The following NLRP6 variants were observed in gnomAD, a reference collection of about 807,000 sequenced individuals.
NLRP6 encodes the protein NACHT, LRR and PYD domains-containing protein 6.
A neutral mutation model predicts 70.9 loss-of-function variants in NLRP6; 55 were observed. The ratio of observed to expected loss-of-function variants is 0.78; its 90% confidence interval spans 0.62 to 0.97. NLRP6 has a LOEUF of 0.97. Ranked by LOEUF, NLRP6 falls within the 50% of genes least tolerant of loss-of-function variation. The pLI, the probability that NLRP6 is intolerant of heterozygous loss-of-function variation, is 0.00. For missense variants in NLRP6, 1,241 were observed against 1,238.3 expected, an observed-to-expected ratio of 1.00 and a Z score of -0.03; for synonymous variants, 652 against 581.9, an observed-to-expected ratio of 1.12 and a Z score of -1.73.
rs1845543014 is a variant in NLRP6, at chr11:285,293, T to A, written c.2665T>A (p.Ser889Thr). The change falls in exon 8 of 8, where the codon TCG (serine) becomes ACG (threonine). Residue 889 changes from serine to threonine, a missense_variant. By Grantham distance (58) the Ser-to-Thr change is moderately conservative (BLOSUM62 1). Transcript: ENST00000534750. ...CCCACAACCTCCCAAGGAACTCATC[T>A]CGACCTTCTGAGGCTCTGGTGGCCA... ...GHPQPPKELI[S>T]TF 1 of 1,609,038 alleles carries A rather than the reference T, an allele frequency of 6.2e-7. No homozygotes were observed. Among genetic ancestry groups the A allele is most frequent in the Admixed American group, 1.7e-5 (1 of 59,592 alleles).
At position 279,489 on chromosome 11, in the gene NLRP6, C is replaced by A; in HGVS notation, c.192C>A (p.Leu64=). 1 of 1,444,426 alleles carries A rather than the reference C, an allele frequency of 6.9e-7. No homozygotes were observed. The highest frequency in any genetic ancestry group is 1.5e-5 in the African/African-American group (1 of 67,230). The allele number at this position is 1,444,426 out of a possible 1,614,324, so 89.5% of individuals were successfully genotyped here. The change falls in exon 2 of 8, where the codon CTC becomes CTA. Residue 64 remains leucine (L), a synonymous_variant. Transcript: ENST00000534750. Reference sequence around the variant, plus strand: ...TGGAGCGCGCGGACGCCGTGGACCTCGCGGAGCAGCTGGCCCAGTTCTACG... The same window carrying A: ...TGGAGCGCGCGGACGCCGTGGACCTAGCGGAGCAGCTGGCCCAGTTCTACG... ...GRLERADAVD[L]AEQLAQFYGP...
chr11:284,091 C>A (rs146447289), intron 5 of NLRP6, 139 bp from the exon 6 acceptor site: 16 of 720,946 alleles, frequency 2.2e-5, no homozygotes, highest in African/African-American at 5.2e-5. Context: ...GCAGGCTCTG[C>A]GAGGTCCAGG....
In NLRP6 at chr11:278,532, C is replaced by A; in HGVS notation, c.-38C>A. 1 of 1,498,604 alleles carries A rather than the reference C, an allele frequency of 6.7e-7. No homozygotes were observed. The highest frequency in any genetic ancestry group is 8.9e-7 in the Non-Finnish European group (1 of 1,124,586). The allele number at this position is 1,498,604 out of a possible 1,614,324, so 92.8% of individuals were successfully genotyped here. A position where few individuals can be genotyped will look rare whatever the true frequency, so the allele number is the denominator to read the frequency against. On this transcript the variant is annotated 5_prime_UTR_variant, in exon 1 of 8. In the 5' UTR this introduces an upstream ATG that the reference lacks. Coordinates refer to ENST00000534750, the MANE Select transcript of NLRP6 (RefSeq NM_001276700.2). The surrounding 1 kb of genome is among the most constrained non-coding windows in gnomAD (Gnocchi z 4.7). Reference sequence around the variant, plus strand: ...GGAATCACCTCTCTGATCCCCACCTCTGCCCCGGAGTGCTAGACCCAGGGA... The same window carrying A: ...GGAATCACCTCTCTGATCCCCACCTATGCCCCGGAGTGCTAGACCCAGGGA...
In NLRP6 at chr11:280,816, A is replaced by T. The variant is rs7482965; in HGVS notation, c.1082A>T (p.Tyr361Phe). 0.85 allele frequency: 1,371,631 copies of T among 1,612,430 alleles called. 595,082 individuals carry two copies. The highest frequency in any genetic ancestry group is 0.89 in the Non-Finnish European group (1,053,027 of 1,179,730). The change falls in exon 4 of 8, where the codon TAT becomes TTT. Residue 361 changes from tyrosine (Y) to phenylalanine (F), a missense_variant. By Grantham distance (22) the Tyr-to-Phe change is conservative. Transcript: ENST00000534750. ...GACAAGAAGAAGTATTTCTACAAGT[A>T]TTTCCGGGATGAGAGGAGGGCCGAG... Reference protein sequence around the residue: ...DKDKKKYFYKYFRDERRAERA... With the variant: ...DKDKKKYFYKFFRDERRAERA...
At position 278,478 on chromosome 11, in the gene NLRP6, T is replaced by A. The variant is rs1845420303; in HGVS notation, c.-92T>A. ...GGAATGGACCGGGCTGGACAACCTC[T>A]AAGACTTGGCTCCAGCTCAGCCTGT... On this transcript the variant is annotated 5_prime_UTR_variant, in exon 1 of 8. Coordinates refer to ENST00000534750, the MANE Select transcript of NLRP6 (RefSeq NM_001276700.2). This position sits in a 1 kb window ranked among gnomAD's most constrained non-coding sequence, Gnocchi z 4.7. The A allele has an allele frequency of 7.0e-6, 8 of 1,144,490 alleles. No individual in the cohort carries two copies. The South Asian group carries it at 1.4e-4, about 20-fold the overall frequency. 70.9% of individuals were successfully genotyped at this position (1,144,490 alleles called of 1,614,324 possible).
At position 279,975 on chromosome 11, in the gene NLRP6, G is replaced by A. The variant is rs199475800; in HGVS notation, c.349+103G>A. 520 of 1,414,306 alleles carry A rather than the reference G, an allele frequency of 3.7e-4. 5 individuals carry two copies. In the African/African-American group the frequency reaches 6.5e-3, roughly 18 times the overall value. The allele number at this position is 1,414,306 out of a possible 1,614,324, so 87.6% of individuals were successfully genotyped here. On this transcript the variant is annotated intron_variant, in intron 3 of 7. Coordinates refer to ENST00000534750, the MANE Select transcript of NLRP6 (RefSeq NM_001276700.2). ...CGCCAGGGGCGTGGGCTGTGGTCCC[G>A]TAGAGGAAACTGAGGCCTGAGCAGG...
In NLRP6 at chr11:281,461, T is replaced by C; in HGVS notation, c.1727T>C (p.Leu576Pro). ...TCAGAGCGTGTGAAGCAGGAGGCCC[T>C]GCGGTGGGTGCAGGGACAGGGACAG... ...MVSERVKQEA[L>P]RWVQGQGQGC... The change falls in exon 4 of 8, where the codon CTG becomes CCG. Residue 576 changes from leucine to proline, a missense_variant. By Grantham distance (98) the Leu-to-Pro change is moderately conservative. Coordinates refer to ENST00000534750, the MANE Select transcript of NLRP6 (RefSeq NM_001276700.2). 2 of 1,598,150 alleles carry C rather than the reference T, an allele frequency of 1.3e-6. No individual in the cohort carries two copies. The highest frequency in any genetic ancestry group is 1.7e-6 in the Non-Finnish European group (2 of 1,170,944).
At position 278,643 on chromosome 11, in the gene NLRP6, A is replaced by T. The variant is rs1218540829; in HGVS notation, c.29+45A>T. On this transcript the variant is annotated intron_variant, in intron 1 of 7. Coordinates refer to ENST00000534750, the MANE Select transcript of NLRP6 (RefSeq NM_001276700.2). This position sits in a 1 kb window ranked among gnomAD's most constrained non-coding sequence, Gnocchi z 4.7. ...TGGTCACTGGGAACCGGCTGGTCTC[A>T]GCCCTCTGGGGCCTCCACCTCACCC... 3.3e-6 allele frequency: 5 copies of T among 1,532,150 alleles called. No homozygotes were observed. The highest frequency in any genetic ancestry group is 4.4e-6 in the Non-Finnish European group (5 of 1,133,524). 94.9% of individuals were successfully genotyped at this position (1,532,150 alleles called of 1,614,324 possible). A position where few individuals can be genotyped will look rare whatever the true frequency, so the allele number is the denominator to read the frequency against.
Position 278,592 on chromosome 11 carries a change from G to A in NLRP6, c.23G>A (p.Cys8Tyr), listed in dbSNP as rs1397052497. The change falls in exon 1 of 8, where the codon TGC (cysteine) becomes TAC (tyrosine). Residue 8 changes from cysteine (C) to tyrosine (Y), a missense_variant. By Grantham distance (194) the Cys-to-Tyr change is radical. Coordinates refer to ENST00000534750, the MANE Select transcript of NLRP6 (RefSeq NM_001276700.2). The surrounding 1 kb of genome is among the most constrained non-coding windows in gnomAD (Gnocchi z 4.7). MDQPEAPCSSTGPRLAVA... is the reference protein window; with the variant it reads MDQPEAPYSSTGPRLAVA... ...CCCATGGACCAGCCAGAGGCCCCCTGCTCCAGGTGAGTGCTGGCCCCAGGG... is the reference window on the plus strand; with the variant it reads ...CCCATGGACCAGCCAGAGGCCCCCTACTCCAGGTGAGTGCTGGCCCCAGGG... The A allele has an allele frequency of 6.3e-7, 1 of 1,590,374 alleles. No individual in the cohort carries two copies. Among genetic ancestry groups the A allele is most frequent in the Non-Finnish European group, 8.6e-7 (1 of 1,169,330 alleles).
chr11:283,888 A>G (rs1845514844), intron 5 of NLRP6, among the ~76,000 whole-genome samples: 2 of 151,984 alleles, frequency 1.3e-5, no homozygotes, highest in South Asian at 2.1e-4. Context: ...AAAAAAAAAA[A>G]AGGAGAAACA....
In NLRP6 at chr11:281,559, G is replaced by C; in HGVS notation, c.1825G>C (p.Glu609Gln). The change falls in exon 4 of 8, where the codon GAG (glutamate) becomes CAG (glutamine). Residue 609 changes from glutamate to glutamine, a missense_variant. Glu to Gln is a conservative substitution (Grantham distance 29, BLOSUM62 2). Transcript: ENST00000534750. ...CGAGGACACCGAAGAGCCAGAGGAG[G>C]AGGAGGAGGGAGAGGAGCCCAACTA... ...GLEDTEEPEE[E>Q]EEGEEPNYPL... 6.2e-7 allele frequency: 1 copy of C among 1,611,500 alleles called. No individual in the cohort carries two copies. Among genetic ancestry groups the C allele is most frequent in the South Asian group, 1.1e-5 (1 of 90,796 alleles).
Position 284,377 on chromosome 11 carries a change from G to T in NLRP6, c.2346G>T (p.Pro782=), listed in dbSNP as rs148157663. The change falls in exon 6 of 8, where the codon CCG becomes CCT. Residue 782 remains proline, a synonymous_variant. Transcript: ENST00000534750. ...LRMLSEGLAW[P]QCRVQTVRVQ... ...TGCTGAGTGAGGGCCTAGCCTGGCC[G>T]CAGTGCAGGGTGCAGACGGTCAGGT... 2.0e-5 allele frequency: 32 copies of T among 1,601,586 alleles called. No homozygotes were observed. The highest frequency in any genetic ancestry group is 2.7e-5 in the Non-Finnish European group (32 of 1,172,616).
intron 4 of NLRP6, 116 bp downstream of exon 4, chr11:281,955 C>T: frequency 1.1e-6 from 1 of 911,010 alleles, no homozygotes; most frequent in South Asian, 1.7e-5. Flanking sequence ...ACCCTGGCTC[C>T]CCAGATGGGG....
Position 284,280 on chromosome 11 carries a change from C to A in NLRP6, c.2249C>A (p.Ala750Asp), listed in dbSNP as rs527528438. ...GCGGTCTGCCGAGACCTTTCTGAGGCCCTGAGGGCAGCCCCCGCACTGACG... is the reference window on the plus strand; with the variant it reads ...GCGGTCTGCCGAGACCTTTCTGAGGACCTGAGGGCAGCCCCCGCACTGACG... ...PDAVCRDLSE[A>D]LRAAPALTEL... The change falls in exon 6 of 8, where the codon GCC (alanine) becomes GAC (aspartate). Residue 750 changes from alanine to aspartate, a missense_variant. Transcript: ENST00000534750. The A allele has an allele frequency of 6.2e-7, 1 of 1,613,042 alleles. No individual in the cohort carries two copies. Among genetic ancestry groups the A allele is most frequent in the African/African-American group, 1.3e-5 (1 of 75,044 alleles).
Position 285,237 on chromosome 11 carries a change from T to C in NLRP6, c.2609T>C (p.Leu870Pro). ...LQAVKRAKPD[L>P]VITHPALDGH... ...GCTGTGAAGAGAGCAAAGCCGGATC[T>C]GGTCATCACACACCCAGCGCTGGAC... The change falls in exon 8 of 8, where the codon CTG becomes CCG. Residue 870 changes from leucine to proline, a missense_variant. By Grantham distance (98) the Leu-to-Pro change is moderately conservative. Coordinates refer to ENST00000534750, the MANE Select transcript of NLRP6 (RefSeq NM_001276700.2). The C allele has an allele frequency of 6.2e-7, 1 of 1,606,262 alleles. No homozygotes were observed. The highest frequency in any genetic ancestry group is 1.1e-5 in the South Asian group (1 of 89,542).
Position 284,652 on chromosome 11 carries a change from G to A in NLRP6, c.2537+10G>A, listed in dbSNP as rs1845532850. 1 of 1,594,420 alleles carries A rather than the reference G, an allele frequency of 6.3e-7. No homozygotes were observed. The highest frequency in any genetic ancestry group is 8.5e-7 in the Non-Finnish European group (1 of 1,174,312). ...GCCTGCAGACCCTCAGGTGGAGGCA[G>A]GGGTGGGAAGGGTGCTGGGGACACA... is the stretch of plus-strand genomic sequence containing the variant. On this transcript the variant is annotated intron_variant, in intron 7 of 7. Transcript: ENST00000534750.
At position 281,665 on chromosome 11, in the gene NLRP6, T is replaced by G; in HGVS notation, c.1931T>G (p.Leu644Arg). The change falls in exon 4 of 8, where the codon CTG becomes CGG. Residue 644 changes from leucine to arginine, a missense_variant. Physicochemically the swap from Leu to Arg is moderately radical, Grantham distance 102 (BLOSUM62 -2). Transcript: ENST00000534750. ...CAAGCCCTGTGCCGGTTCCCGGAGC[T>G]GGCGCTGCAGCGAGTGCGCTTCTGC... ...VRQALCRFPE[L>R]ALQRVRFCRM... The G allele has an allele frequency of 6.2e-7, 1 of 1,613,444 alleles. No individual in the cohort carries two copies. The highest frequency in any genetic ancestry group is 8.5e-7 in the Non-Finnish European group (1 of 1,180,018).
chr11:279,600 G>A lies in NLRP6; in HGVS notation c.303G>A (p.Arg101=). The A allele has an allele frequency of 1.4e-6, 2 of 1,401,752 alleles. No homozygotes were observed. Among genetic ancestry groups the A allele is most frequent in the Non-Finnish European group, 1.8e-6 (2 of 1,082,458 alleles). The allele number at this position is 1,401,752 out of a possible 1,614,324, so 86.8% of individuals were successfully genotyped here. A position where few individuals can be genotyped will look rare whatever the true frequency, so the allele number is the denominator to read the frequency against. ...TGGCGGCGCAGCTCCAGGAGCGGCG[G>A]CTGCAGCGTGAGTTCTGCGCGGGAG... ...RDVAAQLQER[R]LQRLGLGSGT... The change falls in exon 2 of 8, where the codon CGG becomes CGA. Residue 101 remains arginine, a synonymous_variant. Transcript: ENST00000534750.
At chr11:284,124 C>T in intron 5 of NLRP6, 106 bp from the exon 6 acceptor site, 2 of 996,800 alleles carry the variant, frequency 2.0e-6, no homozygotes, top group Admixed American at 3.9e-5. Context: ...ACCAACACAT[C>T]TCTCAGCTGA....
Sources: allele counts gnomAD v4.1 joint callset (sites outside exome capture counted in the v4.1 genomes callset), GRCh38; gene constraint gnomAD v4.1.1; non-coding constraint Gnocchi (gnomAD v3.1); transcripts MANE v1.5; gene names NCBI Gene and HGNC (gene_info 2026-07-23, HGNC 2026-07-21).